PLAA: variants seen among roughly 807,000 people sequenced by gnomAD.
The protein encoded by PLAA is phospholipase A-2-activating protein.
A neutral mutation model predicts 84.1 loss-of-function variants in PLAA; 48 were observed. The observed-to-expected ratio is 0.57, with a 90% CI of 0.45 to 0.73. The LOEUF is 0.73. Ranked by LOEUF, PLAA falls within the 30% of genes least tolerant of loss-of-function variation. The probability of loss-of-function intolerance (pLI) is 0.00; values close to 1 mark genes in which losing one functional copy is unlikely to be tolerated. For missense variants in PLAA, 903 were observed against 954.7 expected (o/e 0.95, Z 0.71); for synonymous variants, 392 against 336.6 (o/e 1.16, Z -1.80).
rs375460698 is a variant in PLAA at position 26,903,859 on chromosome 9, T to G, written c.*1652A>C. Among the ~76,000 whole-genome samples the G allele has an allele frequency of 1.3e-5, 2 of 152,208 alleles. No individual in the cohort carries two copies. Among genetic ancestry groups the G allele is most frequent in the African/African-American group, 4.8e-5 (2 of 41,452 alleles). On this transcript the variant is annotated 3_prime_UTR_variant, in exon 14 of 14. Transcript: ENST00000397292. Reference sequence around the variant, plus strand: ...GAACTCATATTCTTAACCAAGACTGTTTCTTATCATTATTCAAAGGTACCT... The same window carrying G: ...GAACTCATATTCTTAACCAAGACTGGTTCTTATCATTATTCAAAGGTACCT...
At chr9:26,936,368 C>A (rs1329714339) in intron 1 of PLAA, among the ~76,000 whole-genome samples, 1 of 152,172 alleles carries the variant, frequency 6.6e-6, no homozygotes, top group African/African-American at 2.4e-5. Flanking sequence ...AATTTACCAA[C>A]AAAGGGCTTA....
rs1563903017 is a variant in PLAA, at chr9:26,905,612, C to T, written c.2287G>A (p.Ala763Thr). 1 of 1,614,024 alleles carries T rather than the reference C, an allele frequency of 6.2e-7. No homozygotes were observed. Among genetic ancestry groups the T allele is most frequent in the Non-Finnish European group, 8.5e-7 (1 of 1,179,906 alleles). ...ISDDSNAVQL[A>T]KSLGVDSQIK... ...TGAGAATCAACACCTAAAGACTTGGCTAATTGTACAGCATTTGAATCATCA... is the reference window on the plus strand; with the variant it reads ...TGAGAATCAACACCTAAAGACTTGGTTAATTGTACAGCATTTGAATCATCA... Residue 763 changes from alanine to threonine, a missense_variant, in exon 14 of 14, where the codon GCC becomes ACC. Transcript: ENST00000397292.
intron 6 of PLAA, 68 bp downstream of exon 6, chr9:26,925,757 C>T: frequency 1.4e-6 from 2 of 1,412,944 alleles, no homozygotes; most frequent in Non-Finnish European, 9.9e-7. Context: ...TGGCTTATCT[C>T]TGTACACTCT....
At position 26,905,907 on chromosome 9, in the gene PLAA, G is replaced by C. The variant is rs1824220566; in HGVS notation, c.1992C>G (p.Cys664Trp). Residue 664 changes from cysteine to tryptophan, a missense_variant, in exon 14 of 14, where the codon TGC becomes TGG. By Grantham distance (215) the Cys-to-Trp change is radical. Coordinates refer to ENST00000397292, the MANE Select transcript of PLAA (RefSeq NM_001031689.3). Reference sequence around the variant, plus strand: ...GTCCTGCCTGGCCAACAAAACAATTGCAAAAAGTCCTGAGAGCAAGCAGCT... The same window carrying C: ...GTCCTGCCTGGCCAACAAAACAATTCCAAAAAGTCCTGAGAGCAAGCAGCT... ...ANQLLALRTF[C>W]NCFVGQAGQK... 1 of 1,614,078 alleles carries C rather than the reference G, an allele frequency of 6.2e-7. No homozygotes were observed. The highest frequency in any genetic ancestry group is 8.5e-7 in the Non-Finnish European group (1 of 1,180,006).
chr9:26,912,469 T>C (rs1824428598), intron 11 of PLAA, among the ~76,000 whole-genome samples: 1 of 152,170 alleles, frequency 6.6e-6, no homozygotes, highest in African/African-American at 2.4e-5. Flanking sequence ...AAGATCACTG[T>C]CTGCAATATG....
chr9:26,919,656 G>T, intron 8 of PLAA, 127 bp from the exon 9 acceptor site: 1 of 606,298 alleles, frequency 1.6e-6, no homozygotes, highest in Non-Finnish European at 2.9e-6. Flanking sequence ...AAAGTGCAGT[G>T]CTAAAATCTT....
chr9:26,906,563 A>G (rs941475107), intron 13 of PLAA, among the ~76,000 whole-genome samples: 2 of 151,338 alleles, frequency 1.3e-5, no homozygotes, highest in East Asian at 3.9e-4. Context: ...AAGTAGCTGG[A>G]ATTACAGGTG....
intron 1 of PLAA, among the ~76,000 whole-genome samples, chr9:26,935,900 G>T (rs1161856678): frequency 6.6e-6 from 1 of 151,180 alleles, no homozygotes; most frequent in Non-Finnish European, 1.5e-5. Context: ...AATGAACACA[G>T]TACATTAATA....
At chr9:26,931,079 C>T (rs1216985981) in intron 2 of PLAA, among the ~76,000 whole-genome samples, 2 of 149,964 alleles carry the variant, frequency 1.3e-5, no homozygotes, top group East Asian at 3.9e-4. Flanking sequence ...AGGAAGACTA[C>T]TGAAGGTCTT....
chr9:26,944,746 G>C (rs566180836), intron 1 of PLAA, among the ~76,000 whole-genome samples: 1 of 152,140 alleles, frequency 6.6e-6, no homozygotes, highest in Non-Finnish European at 1.5e-5. Flanking sequence ...ATCTCACTAC[G>C]CACTAACACA....
intron 11 of PLAA, among the ~76,000 whole-genome samples, chr9:26,910,976 T>A (rs1012842207): frequency 6.6e-6 from 1 of 152,246 alleles, no homozygotes; most frequent in Non-Finnish European, 1.5e-5. Flanking sequence ...ATTATCATTT[T>A]CTCTAATCTT....
In PLAA at chr9:26,923,243, T is replaced by G; in HGVS notation, c.974A>C (p.Lys325Thr). 1 of 1,613,864 alleles carries G rather than the reference T, an allele frequency of 6.2e-7. No individual in the cohort carries two copies. The highest frequency in any genetic ancestry group is 1.1e-5 in the South Asian group (1 of 91,056). ...KELSHATIDS[K>T]TGDLGDINAE... ...ATTGATGTCCCCTAAATCGCCAGTT[T>G]TAGAATCAATGGTTGCGTGAGACAG... Residue 325 changes from lysine (K) to threonine (T), a missense_variant, in exon 7 of 14, where the codon AAA (lysine) becomes ACA (threonine). By Grantham distance (78) the Lys-to-Thr change is moderately conservative. Coordinates refer to ENST00000397292, the MANE Select transcript of PLAA (RefSeq NM_001031689.3).
intron 1 of PLAA, among the ~76,000 whole-genome samples, chr9:26,940,054 T>C (rs1325993222): frequency 1.3e-5 from 2 of 152,108 alleles, no homozygotes; most frequent in Non-Finnish European, 2.9e-5. Context: ...ATACAGAATA[T>C]ACTACGTGAA....
intron 6 of PLAA, 56 bp from the exon 7 acceptor site, chr9:26,923,403 T>C: frequency 8.2e-7 from 1 of 1,212,540 alleles, no homozygotes; most frequent in Non-Finnish European, 1.2e-6. Flanking sequence ...ATTAACATTA[T>C]CACACCTGAA....
intron 10 of PLAA, chr9:26,916,243 C>G (rs913331681): frequency 3.0e-6 from 3 of 985,206 alleles, no homozygotes; most frequent in Non-Finnish European, 3.6e-6. Context: ...TACCAGTCTG[C>G]AAGGCCAGTG....
chr9:26,940,467 A>G (rs2131424084), intron 1 of PLAA, among the ~76,000 whole-genome samples: 1 of 152,336 alleles, frequency 6.6e-6, no homozygotes, highest in African/African-American at 2.4e-5. Context: ...ACAGACATAA[A>G]GTAGAATCGT....
Position 26,907,717 on chromosome 9 carries a change from G to A in PLAA, c.1822+117C>T, listed in dbSNP as rs1313548012. On this transcript the variant is annotated intron_variant, in intron 13 of 13. Transcript: ENST00000397292. ...ACCCTTTTCGTGAAGATTTTCCATAGTGATTTAGAACTACCGAAGTTAACT... is the reference window on the plus strand; with the variant it reads ...ACCCTTTTCGTGAAGATTTTCCATAATGATTTAGAACTACCGAAGTTAACT... 6.1e-6 allele frequency: 5 copies of A among 823,626 alleles called. No homozygotes were observed. The East Asian group carries it at 8.2e-5, about 14-fold the overall frequency. The allele number at this position is 823,626 out of a possible 1,614,324, so 51.0% of individuals were successfully genotyped here.
At position 26,920,228 on chromosome 9, in the gene PLAA, T is replaced by A; in HGVS notation, c.1196A>T (p.Lys399Ile). The change falls in exon 8 of 14, where the codon AAA (lysine) becomes ATA (isoleucine). Residue 399 changes from lysine to isoleucine, a missense_variant and splice_region_variant. Transcript: ENST00000397292. ...QTSGKVLYEG[K>I]EFDYVFSIDV... is the part of the protein sequence containing the mutation. ...ATTAGAAAGTAGAAGTCGACATACT[T>A]TCCCTTCATATAAAACTTTTCCAGA... 1 of 1,612,896 alleles carries A rather than the reference T, an allele frequency of 6.2e-7. No individual in the cohort carries two copies. The highest frequency in any genetic ancestry group is 2.2e-5 in the East Asian group (1 of 44,832).
At chr9:26,909,456 G>A (rs2131365707) in intron 12 of PLAA, among the ~76,000 whole-genome samples, 1 of 152,156 alleles carries the variant, frequency 6.6e-6, no homozygotes, top group African/African-American at 2.4e-5. Context: ...TGGTAAGTAT[G>A]TTACGTTATG....
Sources: gnomAD v4.1 joint callset for allele counts (sites outside exome capture counted in the v4.1 genomes callset) on GRCh38, gnomAD v4.1.1 for gene constraint, MANE v1.5 for transcripts, NCBI Gene and HGNC (gene_info 2026-07-23, HGNC 2026-07-21) for gene names.